The following XKR6 variants were observed in gnomAD, a reference collection of about 807,000 sequenced individuals.
The protein encoded by XKR6 is XK related 6, also known as XK-related protein 6.
A neutral mutation model predicts 56.7 loss-of-function variants in XKR6; 22 were observed. The ratio of observed to expected loss-of-function variants is 0.39; its 90% CI spans 0.28 to 0.55. The LOEUF (loss-of-function observed/expected upper bound fraction) is 0.55, where lower values mean the gene tolerates loss of function less well. Among genes scored for constraint, XKR6 ranks in the 20% least tolerant of loss-of-function variants. XKR6 has a pLI of 0.66. For missense variants in XKR6, 852 were observed against 889.0 expected, an observed-to-expected ratio of 0.96 and a Z score of 0.53; for synonymous variants, 524 against 387.8, an observed-to-expected ratio of 1.35 and a Z score of -4.13.
intron 1 of XKR6, among the ~76,000 whole-genome samples, chr8:11,080,772 C>T (rs1052194037): frequency 5.9e-5 from 9 of 152,242 alleles, no homozygotes; most frequent in Non-Finnish European, 8.8e-5. Flanking sequence ...TCAGAGACAA[C>T]GCAAGAACAC....
intron 1 of XKR6, among the ~76,000 whole-genome samples, chr8:11,169,653 T>C (rs532485387): frequency 1.3e-5 from 2 of 152,288 alleles, no homozygotes; most frequent in South Asian, 4.1e-4. Context: ...AAGTTAGTAT[T>C]TAACGGGTAC....
intron 1 of XKR6, among the ~76,000 whole-genome samples, chr8:10,937,264 G>T: frequency 7.9e-6 from 1 of 126,628 alleles, no homozygotes. Context: ...GCTCCTTTAA[G>T]CACTTCTCTG....
intron 1 of XKR6, among the ~76,000 whole-genome samples, chr8:11,130,456 C>T (rs565674526): frequency 2.6e-5 from 4 of 152,180 alleles, no homozygotes; most frequent in South Asian, 2.1e-4. Context: ...AGAACCGGGA[C>T]GTGTGTGTTA....
chr8:10,900,856 C>CCTTTTTT (rs1163076637), intron 2 of XKR6, among the ~76,000 whole-genome samples: 3 of 9,272 alleles, frequency 3.2e-4, no homozygotes, highest in African/African-American at 1.1e-3. Context: ...TGTGCAATTA[C>CCTTTTTT]CTTTTTTTTT....
intron 2 of XKR6, among the ~76,000 whole-genome samples, chr8:10,902,487 C>T (rs1047948426): frequency 2.0e-5 from 3 of 152,168 alleles, no homozygotes; most frequent in Non-Finnish European, 2.9e-5. Flanking sequence ...TCGCGCTGCT[C>T]CCACTCTCCA....
At chr8:10,970,838 C>T (rs1181391784) in intron 1 of XKR6, among the ~76,000 whole-genome samples, 1 of 142,696 alleles carries the variant, frequency 7.0e-6, no homozygotes, top group Admixed American at 6.9e-5. Flanking sequence ...GTATCATTAA[C>T]AAAATTTCAG....
intron 1 of XKR6, among the ~76,000 whole-genome samples, chr8:11,083,553 A>G (rs971473330): frequency 6.6e-6 from 1 of 151,990 alleles, no homozygotes; most frequent in African/African-American, 2.4e-5. Flanking sequence ...CGGAATGCAA[A>G]ACTTCACCAG....
At chr8:11,136,795 T>C (rs1304920205) in intron 1 of XKR6, 4 of 152,224 alleles carry the variant, frequency 2.6e-5, no homozygotes, top group Admixed American at 1.3e-4. Flanking sequence ...TTTCCATTGT[T>C]TAAGCCACCC....
intron 1 of XKR6, among the ~76,000 whole-genome samples, chr8:10,974,508 T>C (rs974805088): frequency 6.6e-6 from 1 of 152,230 alleles, no homozygotes; most frequent in Non-Finnish European, 1.5e-5. Context: ...TGCCAGACTC[T>C]AGTTCCCAGG....
chr8:11,005,870 G>A (rs1798356712), intron 1 of XKR6, among the ~76,000 whole-genome samples: 1 of 131,276 alleles, frequency 7.6e-6, no homozygotes, highest in Non-Finnish European at 1.6e-5. Context: ...TTGAGATGGA[G>A]TCTCCCTCTT....
chr8:11,100,770 G>T (rs1034184933), intron 1 of XKR6, among the ~76,000 whole-genome samples: 14 of 152,216 alleles, frequency 9.2e-5, no homozygotes, highest in African/African-American at 3.4e-4. Context: ...TTCTGGGGAG[G>T]AAGGTAGGAA....
At chr8:10,976,924 T>A (rs962112917) in intron 1 of XKR6, among the ~76,000 whole-genome samples, 4 of 151,910 alleles carry the variant, frequency 2.6e-5, no homozygotes, top group Non-Finnish European at 4.4e-5. Context: ...TCTGTGTAGA[T>A]GCAGGAGGTG....
At chr8:10,992,076 C>T (rs1015502779) in intron 1 of XKR6, among the ~76,000 whole-genome samples, 4 of 152,144 alleles carry the variant, frequency 2.6e-5, no homozygotes, top group Non-Finnish European at 5.9e-5. Flanking sequence ...CGCCAGGCCT[C>T]CACAGTCTAA....
chr8:10,909,590 T>C (rs772210069), intron 2 of XKR6, among the ~76,000 whole-genome samples: 3 of 152,208 alleles, frequency 2.0e-5, no homozygotes, highest in Non-Finnish European at 4.4e-5. Context: ...AGTCCACAGC[T>C]ATTCTTGGAT....
intron 1 of XKR6, among the ~76,000 whole-genome samples, chr8:11,179,471 C>G (rs1043701943): frequency 2.0e-5 from 3 of 152,112 alleles, no homozygotes; most frequent in Admixed American, 6.5e-5. Flanking sequence ...TCTCAAGGTA[C>G]TATCAGAATT....
At chr8:11,062,747 G>A in intron 1 of XKR6, 1 of 456,258 alleles carries the variant, frequency 2.2e-6, no homozygotes, top group African/African-American at 2.0e-5. Flanking sequence ...GACATAAACA[G>A]CTACGTACTT....
chr8:11,060,609 G>C (rs1471099861), intron 1 of XKR6, among the ~76,000 whole-genome samples: 1 of 152,234 alleles, frequency 6.6e-6, no homozygotes, highest in African/African-American at 2.4e-5. Context: ...TCCTGACAAA[G>C]AGGAGGTTAC....
intron 1 of XKR6, among the ~76,000 whole-genome samples, chr8:11,134,218 A>G (rs1011228127): frequency 5.3e-5 from 8 of 151,328 alleles, no homozygotes; most frequent in Non-Finnish European, 1.2e-4. Context: ...ACCCTCTCCC[A>G]CCTCTTTCAT....
intron 2 of XKR6, among the ~76,000 whole-genome samples, chr8:10,919,370 C>A (rs1292642326): frequency 6.6e-6 from 1 of 152,234 alleles, no homozygotes; most frequent in Non-Finnish European, 1.5e-5. Flanking sequence ...TGCTTCAATA[C>A]TCTAACCATC....
Sources: allele counts gnomAD v4.1 joint callset (sites outside exome capture counted in the v4.1 genomes callset), GRCh38; gene constraint gnomAD v4.1.1; transcripts MANE v1.5; gene names NCBI Gene and HGNC (gene_info 2026-07-23, HGNC 2026-07-21).